LEKR1: variants seen among roughly 807,000 people sequenced by gnomAD.
LEKR1 encodes leucine, glutamate and lysine rich 1, also known as protein LEKR1.
In LEKR1, 59 loss-of-function variants were observed where a neutral mutation model predicts 72.4. The observed-to-expected ratio is 0.82, with a 90% CI of 0.66 to 1.01. LEKR1 has a LOEUF of 1.01. Among genes scored for constraint, LEKR1 ranks in the 50% least tolerant of loss-of-function variants. The pLI is 0.00. For synonymous variants in LEKR1, 257 were observed against 263.2 expected (o/e 0.98, Z 0.23); for missense variants, 728 against 759.2 (o/e 0.96, Z 0.48).
intron 6 of LEKR1, among the ~76,000 whole-genome samples, chr3:156,963,402 C>T (rs1011982124): frequency 2.0e-5 from 3 of 152,136 alleles, no homozygotes; most frequent in Non-Finnish European, 2.9e-5. Context: ...CAGAACATAC[C>T]GGCTGCTCAT....
intron 2 of LEKR1, among the ~76,000 whole-genome samples, chr3:156,843,890 A>C (rs2108533596): frequency 6.6e-6 from 1 of 152,108 alleles, no homozygotes; most frequent in African/African-American, 2.4e-5. Flanking sequence ...AGTTTTATTA[A>C]AACCTTATGA....
At chr3:157,044,674 C>A (rs1735621679) in intron 12 of LEKR1, among the ~76,000 whole-genome samples, 1 of 152,186 alleles carries the variant, frequency 6.6e-6, no homozygotes, top group Non-Finnish European at 1.5e-5. Context: ...TTCACTACAG[C>A]TTCTAGTAAC....
chr3:156,916,977 C>G (rs1297128307), intron 3 of LEKR1, among the ~76,000 whole-genome samples: 1 of 151,808 alleles, frequency 6.6e-6, no homozygotes, highest in Non-Finnish European at 1.5e-5. Flanking sequence ...AAAAGTAAAA[C>G]AAAGAAAGAG....
chr3:156,957,275 T>C (rs1727733636), intron 6 of LEKR1, among the ~76,000 whole-genome samples: 1 of 152,066 alleles, frequency 6.6e-6, no homozygotes, highest in Non-Finnish European at 1.5e-5. Context: ...CTTATGATTA[T>C]GTTACAGTGT....
At chr3:156,877,884 G>T (rs1277123105) in intron 3 of LEKR1, among the ~76,000 whole-genome samples, 1 of 152,148 alleles carries the variant, frequency 6.6e-6, no homozygotes, top group Non-Finnish European at 1.5e-5. Flanking sequence ...CTGGGTTCAA[G>T]TGATTCTCCT....
At position 157,024,815 on chromosome 3, in the gene LEKR1, A is replaced by G. The variant is rs774728995; in HGVS notation, c.1259A>G (p.Gln420Arg). 3 of 1,611,604 alleles carry G rather than the reference A, an allele frequency of 1.9e-6. No homozygotes were observed. The highest frequency in any genetic ancestry group is 1.1e-5 in the South Asian group (1 of 90,598). ...CAACACTTGGTTGAATTTGAAGAGC[A>G]AGCTCTTCTCTTTAAGGAAGAAACA... ...RAQHLVEFEEQALLFKEETKL... is the reference protein window; with the variant it reads ...RAQHLVEFEERALLFKEETKL... The change falls in exon 11 of 13, where the codon CAA becomes CGA. Residue 420 changes from glutamine to arginine, a missense_variant. Transcript: ENST00000356539.
rs1010974004 is a variant in LEKR1, at chr3:156,849,780, T to C, written c.49-2988T>C. Among the ~76,000 whole-genome samples, 281 of 152,286 alleles carry C rather than the reference T, an allele frequency of 1.8e-3. 2 individuals carry two copies. Among genetic ancestry groups the C allele is most frequent in the African/African-American group, 6.5e-3 (270 of 41,566 alleles). ...ATTCAAGATGGATTAAAGACTTACA[T>C]GTTAGACCTAAAACCATAAAAACCC... On this transcript the variant is annotated intron_variant, in intron 2 of 12. Transcript: ENST00000356539.
At chr3:157,000,960 C>T (rs1731966326) in intron 9 of LEKR1, among the ~76,000 whole-genome samples, 1 of 152,106 alleles carries the variant, frequency 6.6e-6, no homozygotes, top group African/African-American at 2.4e-5. Flanking sequence ...AGGGGCTCTT[C>T]CCCCCTTTTC....
chr3:156,943,949 T>C (rs1315718364), intron 6 of LEKR1, among the ~76,000 whole-genome samples: 1 of 151,836 alleles, frequency 6.6e-6, no homozygotes, highest in Non-Finnish European at 1.5e-5. Flanking sequence ...AAATTTTCTA[T>C]TGCATTATTG....
At chr3:156,979,344 G>A in intron 7 of LEKR1, 69 bp downstream of exon 7, 2 of 697,060 alleles carry the variant, frequency 2.9e-6, no homozygotes, top group Non-Finnish European at 4.4e-6. Context: ...GCAAGAATTA[G>A]GAAGAAATGA....
At chr3:156,884,824 T>A (rs1405059220) in intron 3 of LEKR1, among the ~76,000 whole-genome samples, 1 of 152,214 alleles carries the variant, frequency 6.6e-6, no homozygotes, top group Non-Finnish European at 1.5e-5. Context: ...GATGTCTAGA[T>A]CTCTAGCAAG....
intron 12 of LEKR1, among the ~76,000 whole-genome samples, chr3:157,035,813 C>T (rs983460541): frequency 6.6e-6 from 1 of 152,168 alleles, no homozygotes; most frequent in Non-Finnish European, 1.5e-5. Context: ...GCACAAGAAT[C>T]ATTTGAACCC....
At chr3:157,000,565 G>T (rs1369693340) in intron 9 of LEKR1, among the ~76,000 whole-genome samples, 2 of 152,106 alleles carry the variant, frequency 1.3e-5, no homozygotes, top group African/African-American at 4.8e-5. Flanking sequence ...TTAAAATATT[G>T]TGCCTGGTAG....
intron 10 of LEKR1, among the ~76,000 whole-genome samples, chr3:157,011,882 G>A (rs12629809): frequency 6.6e-6 from 1 of 151,884 alleles, no homozygotes; most frequent in African/African-American, 2.4e-5. Flanking sequence ...GAAGATAAAA[G>A]AATGGAAAAT....
At chr3:156,988,343 G>A in intron 7 of LEKR1, 1 of 223,528 alleles carries the variant, frequency 4.5e-6, no homozygotes, top group East Asian at 1.1e-4. Flanking sequence ...CCCAGCCTCT[G>A]GGTCAGCTGA....
chr3:156,987,611 C>T (rs540817369), intron 7 of LEKR1, among the ~76,000 whole-genome samples: 5 of 152,080 alleles, frequency 3.3e-5, no homozygotes, highest in Admixed American at 1.3e-4. Context: ...TTCTTCTAGT[C>T]CATTTTCCTT....
intron 3 of LEKR1, chr3:156,888,226 G>A (rs1383443681): frequency 1.0e-5 from 7 of 680,698 alleles, no homozygotes; most frequent in African/African-American, 1.8e-5. Flanking sequence ...TAAAGCAGTT[G>A]GTCAACACTT....
At chr3:157,014,912 T>C (rs1407344632) in intron 10 of LEKR1, among the ~76,000 whole-genome samples, 1 of 152,166 alleles carries the variant, frequency 6.6e-6, no homozygotes, top group Non-Finnish European at 1.5e-5. Flanking sequence ...CCTCCATGTA[T>C]CTAAATACAA....
intron 3 of LEKR1, among the ~76,000 whole-genome samples, chr3:156,855,495 T>C (rs1210747621): frequency 6.6e-6 from 1 of 152,214 alleles, no homozygotes; most frequent in East Asian, 1.9e-4. Context: ...TATTTGTAGG[T>C]GCTTTTAATA....
Sources: gnomAD v4.1 joint callset for allele counts (sites outside exome capture counted in the v4.1 genomes callset) on GRCh38, gnomAD v4.1.1 for gene constraint, MANE v1.5 for transcripts, NCBI Gene and HGNC (gene_info 2026-07-23, HGNC 2026-07-21) for gene names.